SHISA6: variants seen among roughly 807,000 people sequenced by gnomAD.
SHISA6 encodes shisa family member 6.
SHISA6 carries 22 observed loss-of-function variants against 47.9 expected under a neutral mutation model. That is an observed-to-expected ratio of 0.46 (90% confidence interval 0.33 to 0.66). SHISA6 has a LOEUF of 0.66. Ranked by LOEUF, SHISA6 falls within the 30% of genes least tolerant of loss-of-function variation. The pLI is 0.02. For synonymous variants in SHISA6, 388 were observed against 337.8 expected (o/e 1.15, Z -1.63); for missense variants, 680 against 764.6 (o/e 0.89, Z 1.30).
chr17:11,317,233 C>T (rs866422468), intron 2 of SHISA6, among the ~76,000 whole-genome samples: 12 of 151,966 alleles, frequency 7.9e-5, no homozygotes, highest in African/African-American at 2.9e-4. Context: ...GTCAAACTCT[C>T]TTTTATTTCT....
intron 3 of SHISA6, among the ~76,000 whole-genome samples, chr17:11,489,936 T>C (rs114325902): frequency 6.6e-6 from 1 of 152,192 alleles, no homozygotes; most frequent in Non-Finnish European, 1.5e-5. Flanking sequence ...CTGCCCAGGC[T>C]GAGAAATCCT....
At chr17:11,356,752 A>G (rs1912091555) in intron 2 of SHISA6, among the ~76,000 whole-genome samples, 1 of 152,134 alleles carries the variant, frequency 6.6e-6, no homozygotes, top group Admixed American at 6.5e-5. Context: ...GTTGCACAGC[A>G]AAGTCTCTGC....
At chr17:11,248,680 A>G (rs1907683897) in intron 1 of SHISA6, among the ~76,000 whole-genome samples, 1 of 152,196 alleles carries the variant, frequency 6.6e-6, no homozygotes, top group South Asian at 2.1e-4. Context: ...CTCCTTTTGC[A>G]GTTTTTTCAC....
intron 3 of SHISA6, among the ~76,000 whole-genome samples, chr17:11,444,518 C>G (rs183228359): frequency 1.2e-4 from 18 of 152,228 alleles, no homozygotes; most frequent in Non-Finnish European, 2.9e-5. Context: ...AGCTCCAGTA[C>G]AGGTCACTCA....
At chr17:11,352,661 G>C (rs1330265678) in intron 2 of SHISA6, among the ~76,000 whole-genome samples, 1 of 152,166 alleles carries the variant, frequency 6.6e-6, no homozygotes, top group Non-Finnish European at 1.5e-5. Context: ...CAGCGATGAA[G>C]GCAAAAGAAA....
chr17:11,451,765 C>T (rs1449240330), intron 3 of SHISA6, among the ~76,000 whole-genome samples: 1 of 152,234 alleles, frequency 6.6e-6, no homozygotes, highest in African/African-American at 2.4e-5. Flanking sequence ...ATAAGAAAGA[C>T]TTCCAGACCA....
intron 2 of SHISA6, among the ~76,000 whole-genome samples, chr17:11,306,522 C>T (rs1910115278): frequency 6.6e-6 from 1 of 152,176 alleles, no homozygotes; most frequent in Non-Finnish European, 1.5e-5. Context: ...ATACTGTGTC[C>T]ACTGTATTCA....
At chr17:11,449,910 A>G (rs1360310014) in intron 3 of SHISA6, among the ~76,000 whole-genome samples, 1 of 152,182 alleles carries the variant, frequency 6.6e-6, no homozygotes, top group Non-Finnish European at 1.5e-5. Flanking sequence ...TTTGAGACGG[A>G]GTCTCGCTCT....
intron 2 of SHISA6, among the ~76,000 whole-genome samples, chr17:11,345,851 G>C (rs568680786): frequency 6.6e-6 from 1 of 151,958 alleles, no homozygotes; most frequent in South Asian, 2.1e-4. Flanking sequence ...GTTCTAGTAG[G>C]TTCTTTTAGT....
At chr17:11,414,004 C>G (rs1266375586) in intron 3 of SHISA6, among the ~76,000 whole-genome samples, 5 of 150,296 alleles carry the variant, frequency 3.3e-5, no homozygotes, top group Non-Finnish European at 7.4e-5. Context: ...TTCCCTTTCT[C>G]TTCCTTCCTT....
chr17:11,513,414 A>C (rs2071557992), intron 3 of SHISA6, among the ~76,000 whole-genome samples: 1 of 152,186 alleles, frequency 6.6e-6, no homozygotes, highest in African/African-American at 2.4e-5. Flanking sequence ...ATAAATATTT[A>C]TCACCTAAGT....
intron 2 of SHISA6, among the ~76,000 whole-genome samples, chr17:11,351,142 G>A (rs987045155): frequency 6.6e-6 from 1 of 151,994 alleles, no homozygotes; most frequent in Non-Finnish European, 1.5e-5. Flanking sequence ...GGCCTGTTGG[G>A]GGGTGGGGAA....
intron 2 of SHISA6, among the ~76,000 whole-genome samples, chr17:11,278,390 G>T (rs914471164): frequency 1.3e-5 from 2 of 152,134 alleles, no homozygotes; most frequent in African/African-American, 2.4e-5. Context: ...TTCATCTTTG[G>T]GTCCCTGCAC....
At chr17:11,307,670 T>C (rs77665447) in intron 2 of SHISA6, among the ~76,000 whole-genome samples, 5,201 of 152,306 alleles carry the variant, frequency 0.034, 313 homozygotes, top group African/African-American at 0.12. Flanking sequence ...GGGATGGACA[T>C]TGAGCAGTGT....
chr17:11,546,510 G>A (rs1041138808), intron 3 of SHISA6, among the ~76,000 whole-genome samples: 3 of 152,158 alleles, frequency 2.0e-5, no homozygotes, highest in Admixed American at 6.5e-5. Context: ...GACACAGAAA[G>A]GTTAGATATA....
intron 2 of SHISA6, among the ~76,000 whole-genome samples, chr17:11,273,218 C>G (rs1908748898): frequency 6.6e-6 from 1 of 152,204 alleles, no homozygotes; most frequent in Admixed American, 6.5e-5. Context: ...GCTGACTGAT[C>G]TGGGCGCTAA....
intron 2 of SHISA6, among the ~76,000 whole-genome samples, chr17:11,350,349 T>G (rs1302450214): frequency 8.1e-6 from 1 of 122,762 alleles, no homozygotes; most frequent in Admixed American, 8.9e-5. Context: ...CCGGCTAATT[T>G]TTTTGTCATT....
chr17:11,281,666 GC>G (rs1909124070), intron 2 of SHISA6, among the ~76,000 whole-genome samples: 1 of 152,104 alleles, frequency 6.6e-6, no homozygotes, highest in Non-Finnish European at 1.5e-5. Context: ...CATAAAATAT[GC>G]CGAAAAATGT....
intron 3 of SHISA6, among the ~76,000 whole-genome samples, chr17:11,395,675 GC>G: frequency 6.6e-6 from 1 of 151,672 alleles, no homozygotes; most frequent in South Asian, 2.1e-4. Flanking sequence ...CCACCACCAC[GC>G]CCAGCTAATT....
Sources: allele counts gnomAD v4.1 joint callset (sites outside exome capture counted in the v4.1 genomes callset), GRCh38; gene constraint gnomAD v4.1.1; transcripts MANE v1.5; gene names NCBI Gene and HGNC (gene_info 2026-07-23, HGNC 2026-07-21).